Variants in TAF3 observed in about 807,000 individuals in gnomAD.
TAF3 encodes the protein TATA-box binding protein associated factor 3, also known as transcription initiation factor TFIID subunit 3.
TAF3 carries 7 observed loss-of-function variants against 80.6 expected under a neutral mutation model. The observed-to-expected ratio is 0.09, with a 90% CI of 0.05 to 0.16. The LOEUF is 0.16. TAF3 is among the 10% of genes least tolerant of loss of function. The pLI is 1.00. For missense variants in TAF3, 921 were observed against 1,140.2 expected, an observed-to-expected ratio of 0.81 and a Z score of 2.77; for synonymous variants, 444 against 446.1, an observed-to-expected ratio of 1.00 and a Z score of 0.06.
At chr10:8,008,675 C>T (rs1376358518) in intron 4 of TAF3, among the ~76,000 whole-genome samples, 1 of 152,222 alleles carries the variant, frequency 6.6e-6, no homozygotes, top group Non-Finnish European at 1.5e-5. Flanking sequence ...TCCAGGTCCT[C>T]TCCAGCTGGA....
At chr10:8,006,187 C>T (rs1454293164) in intron 4 of TAF3, among the ~76,000 whole-genome samples, 31 of 46,444 alleles carry the variant, frequency 6.7e-4, no homozygotes, top group East Asian at 2.1e-3. Flanking sequence ...AATACACACA[C>T]ACACACACAC....
chr10:7,863,399 T>A (rs1837167298), intron 2 of TAF3, among the ~76,000 whole-genome samples: 1 of 151,370 alleles, frequency 6.6e-6, no homozygotes, highest in African/African-American at 2.4e-5. Context: ...TCACCTGAGT[T>A]CAGGAGTTTG....
chr10:7,833,769 T>C, intron 2 of TAF3: 1 of 292,516 alleles, frequency 3.4e-6, no homozygotes, highest in Admixed American at 4.3e-5. Context: ...CTCATAGACA[T>C]TCTGGATGGG....
chr10:7,902,324 G>A (rs1247492092), intron 2 of TAF3, among the ~76,000 whole-genome samples: 1 of 152,144 alleles, frequency 6.6e-6, no homozygotes, highest in Admixed American at 6.5e-5. Context: ...TCGGGAGGCT[G>A]AGGCAGGAGA....
At chr10:7,863,093 T>G (rs1366985305) in intron 2 of TAF3, among the ~76,000 whole-genome samples, 1 of 152,206 alleles carries the variant, frequency 6.6e-6, no homozygotes, top group Non-Finnish European at 1.5e-5. Flanking sequence ...GTCTGATGTC[T>G]TCTGTGAAAA....
intron 2 of TAF3, among the ~76,000 whole-genome samples, chr10:7,962,888 C>T (rs1249077629): frequency 6.6e-6 from 1 of 152,124 alleles, no homozygotes; most frequent in Non-Finnish European, 1.5e-5. Context: ...TATCATTGTA[C>T]ATTATATGCT....
intron 4 of TAF3, among the ~76,000 whole-genome samples, chr10:8,006,239 G>T (rs1304670238): frequency 6.6e-6 from 1 of 150,878 alleles, no homozygotes; most frequent in East Asian, 1.9e-4. Context: ...AGCTGGGCGT[G>T]GTGGTGCATG....
At chr10:7,895,294 T>C (rs919303284) in intron 2 of TAF3, among the ~76,000 whole-genome samples, 5 of 152,234 alleles carry the variant, frequency 3.3e-5, no homozygotes, top group Non-Finnish European at 5.9e-5. Context: ...ATTTCAACTT[T>C]TCTGGAAAAT....
chr10:7,932,034 ATAG>A (rs1837873550), intron 2 of TAF3, among the ~76,000 whole-genome samples: 1 of 152,216 alleles, frequency 6.6e-6, no homozygotes, highest in South Asian at 2.1e-4. Context: ...ACCACCCTAT[ATAG>A]AGATACAGAA....
At chr10:7,977,045 G>A (rs1831680217) in intron 3 of TAF3, among the ~76,000 whole-genome samples, 196 bp from the exon 4 acceptor site, 1 of 152,172 alleles carries the variant, frequency 6.6e-6, no homozygotes, top group South Asian at 2.1e-4. Flanking sequence ...CATGATTAAA[G>A]TTTGCAGAAT....
At chr10:7,934,115 A>G (rs980843075) in intron 2 of TAF3, among the ~76,000 whole-genome samples, 1 of 152,266 alleles carries the variant, frequency 6.6e-6, no homozygotes, top group African/African-American at 2.4e-5. Context: ...TGACAACTCA[A>G]GGTTGAAAAA....
intron 2 of TAF3, among the ~76,000 whole-genome samples, chr10:7,938,631 G>C: frequency 6.6e-6 from 1 of 152,194 alleles, no homozygotes; most frequent in East Asian, 1.9e-4. Context: ...AATTTGAAAT[G>C]ATAGTGAAAT....
intron 2 of TAF3, among the ~76,000 whole-genome samples, chr10:7,872,400 C>T (rs1439337348): frequency 2.0e-5 from 3 of 151,858 alleles, no homozygotes; most frequent in East Asian, 3.9e-4. Context: ...AGTCTGTGTT[C>T]GTGTATAGCC....
intron 4 of TAF3, among the ~76,000 whole-genome samples, chr10:8,000,054 G>A (rs1198940524): frequency 6.6e-6 from 1 of 152,168 alleles, no homozygotes; most frequent in Non-Finnish European, 1.5e-5. Context: ...TATAACTCAA[G>A]CCATCCTTAA....
chr10:7,956,018 G>A (rs10905260), intron 2 of TAF3, among the ~76,000 whole-genome samples: 85,701 of 151,950 alleles, frequency 0.56, 25,151 homozygotes, highest in East Asian at 0.71. Flanking sequence ...GTAAAGGATC[G>A]TGATGTCTAC....
intron 2 of TAF3, among the ~76,000 whole-genome samples, chr10:7,944,514 T>C (rs1274861368): frequency 6.6e-6 from 1 of 152,168 alleles, no homozygotes; most frequent in African/African-American, 2.4e-5. Context: ...CAAATGTAGA[T>C]TTGCAACGTT....
chr10:7,832,503 A>G (rs981919727), intron 2 of TAF3, among the ~76,000 whole-genome samples: 4 of 152,196 alleles, frequency 2.6e-5, no homozygotes, highest in African/African-American at 9.6e-5. Flanking sequence ...ACATCAGACT[A>G]AATTGGATAT....
At chr10:7,866,500 G>A (rs150121599) in intron 2 of TAF3, among the ~76,000 whole-genome samples, 268 of 152,320 alleles carry the variant, frequency 1.8e-3, no homozygotes, top group African/African-American at 6.1e-3. Context: ...ACAGAGAAGA[G>A]TGAGCGCAAA....
At chr10:7,950,991 G>A (rs1219182742) in intron 2 of TAF3, among the ~76,000 whole-genome samples, 1 of 152,218 alleles carries the variant, frequency 6.6e-6, no homozygotes, top group Non-Finnish European at 1.5e-5. Context: ...TGCACTGGGA[G>A]TTCAATGTTA....
Sources: gnomAD v4.1 joint callset for allele counts (sites outside exome capture counted in the v4.1 genomes callset) on GRCh38, gnomAD v4.1.1 for gene constraint, MANE v1.5 for transcripts, NCBI Gene and HGNC (gene_info 2026-07-23, HGNC 2026-07-21) for gene names.